The following NDFIP1 variants were observed in gnomAD, a reference collection of about 807,000 sequenced individuals.
NDFIP1 encodes Nedd4 family interacting protein 1.
In NDFIP1, 7 loss-of-function variants were observed where a neutral mutation model predicts 28.8. The observed-to-expected ratio is 0.24, with a 90% CI of 0.14 to 0.46. The LOEUF (loss-of-function observed/expected upper bound fraction) is 0.46. NDFIP1 is among the 20% of genes least tolerant of loss of function. The pLI, the probability that NDFIP1 is intolerant of heterozygous loss-of-function variation, is 0.99. For synonymous variants in NDFIP1, 92 were observed against 101.0 expected, an observed-to-expected ratio of 0.91 and a Z score of 0.53; for missense variants, 194 against 269.1, an observed-to-expected ratio of 0.72 and a Z score of 1.95.
intron 1 of NDFIP1, among the ~76,000 whole-genome samples, chr5:142,127,706 A>G (rs1757184663): frequency 6.6e-6 from 1 of 152,242 alleles, no homozygotes; most frequent in African/African-American, 2.4e-5. Flanking sequence ...CTATAATCCC[A>G]GCGCTTTGGG....
chr5:142,135,251 T>A (rs1457504406), intron 3 of NDFIP1, among the ~76,000 whole-genome samples: 3 of 152,234 alleles, frequency 2.0e-5, no homozygotes, highest in Non-Finnish European at 2.9e-5. Context: ...GTGCTGGGAT[T>A]ACAGGCATGA....
At chr5:142,112,406 G>A (rs1247086939) in intron 1 of NDFIP1, among the ~76,000 whole-genome samples, 1 of 151,576 alleles carries the variant, frequency 6.6e-6, no homozygotes, top group East Asian at 1.9e-4. Flanking sequence ...CGGTGTGGTG[G>A]TGCACATCTG....
chr5:142,132,286 T>G lies in NDFIP1; in HGVS notation c.226T>G (p.Tyr76Asp), dbSNP rs1757235663. The change falls in exon 3 of 8, where the codon TAT (tyrosine) becomes GAT (aspartate). Residue 76 changes from tyrosine to aspartate, a missense_variant. Tyr to Asp is a radical substitution (Grantham distance 160, BLOSUM62 -3). Coordinates refer to ENST00000253814, the MANE Select transcript of NDFIP1 (RefSeq NM_030571.4). ...CAATGTAGCTACAACACTGCCCAGT[T>G]ATGATGAAGCGGAGAGGACCAAGGC... Reference protein sequence around the residue: ...SYNVATTLPSYDEAERTKAEA... With the variant: ...SYNVATTLPSDDEAERTKAEA... The G allele has an allele frequency of 6.2e-7, 1 of 1,614,092 alleles. No homozygotes were observed. The highest frequency in any genetic ancestry group is 1.3e-5 in the African/African-American group (1 of 74,948).
intron 1 of NDFIP1, among the ~76,000 whole-genome samples, chr5:142,124,414 G>C (rs763851686): frequency 1.3e-5 from 2 of 152,120 alleles, no homozygotes; most frequent in Non-Finnish European, 2.9e-5. Context: ...CCATAAAATT[G>C]ATGATCATAG....
intron 1 of NDFIP1, among the ~76,000 whole-genome samples, chr5:142,129,927 A>AG (rs1554091415): frequency 1.4e-5 from 2 of 138,398 alleles, no homozygotes; most frequent in Admixed American, 7.5e-5. Flanking sequence ...AAAAAAAAAA[A>AG]AAAGAAAGAA....
At chr5:142,132,602 G>A (rs1382740429) in intron 3 of NDFIP1, among the ~76,000 whole-genome samples, 1 of 152,168 alleles carries the variant, frequency 6.6e-6, no homozygotes, top group Non-Finnish European at 1.5e-5. Flanking sequence ...GATGGCTGAA[G>A]TATCTTGAAG....
At position 142,152,018 on chromosome 5, in the gene NDFIP1, A is replaced by G. The variant is rs564769204; in HGVS notation, c.*290A>G. 2 of 152,788 alleles carry G rather than the reference A, an allele frequency of 1.3e-5. No individual in the cohort carries two copies. The highest frequency in any genetic ancestry group is 1.5e-5 in the Non-Finnish European group (1 of 68,040). The allele number at this position is 152,788 out of a possible 1,614,324, so 9.5% of individuals were successfully genotyped here. On this transcript the variant is annotated 3_prime_UTR_variant, in exon 8 of 8. Transcript: ENST00000253814. ...AATGCCTTATATATTGTTTGTAGTC[A>G]TTTTAAGTAGCATGAGCCATGTCCC...
At chr5:142,114,715 A>G (rs1053076322) in intron 1 of NDFIP1, among the ~76,000 whole-genome samples, 1 of 152,224 alleles carries the variant, frequency 6.6e-6, no homozygotes, top group Non-Finnish European at 1.5e-5. Flanking sequence ...GCTCTCTTGT[A>G]ATCTGTGAGG....
At chr5:142,131,980 A>C (rs1757232724) in intron 2 of NDFIP1, 85 bp downstream of exon 2, 1 of 1,310,936 alleles carries the variant, frequency 7.6e-7, no homozygotes, top group Non-Finnish European at 1.0e-6. Context: ...AAAGCTTCAG[A>C]AGCAGTTGGA....
At chr5:142,131,641 A>T (rs921123006) in intron 1 of NDFIP1, among the ~76,000 whole-genome samples, 167 bp from the exon 2 acceptor site, 1 of 152,206 alleles carries the variant, frequency 6.6e-6, no homozygotes, top group African/African-American at 2.4e-5. Context: ...ATTTCCATAG[A>T]ATAACTTCCT....
chr5:142,122,994 G>T (rs138776793), intron 1 of NDFIP1, among the ~76,000 whole-genome samples: 26 of 152,066 alleles, frequency 1.7e-4, no homozygotes, highest in Non-Finnish European at 3.8e-4. Context: ...GCAGAGTCTC[G>T]CTCTGTTGCC....
intron 4 of NDFIP1, 36 bp from the exon 5 acceptor site, chr5:142,137,698 C>A: frequency 6.2e-7 from 1 of 1,610,430 alleles, no homozygotes; most frequent in South Asian, 1.1e-5. Flanking sequence ...GGTAACAGGA[C>A]ATGTCTAACA....
At chr5:142,115,721 T>C (rs1596781428) in intron 1 of NDFIP1, among the ~76,000 whole-genome samples, 3 of 152,342 alleles carry the variant, frequency 2.0e-5, no homozygotes, top group African/African-American at 2.4e-5. Flanking sequence ...GCAAACATCA[T>C]GTATGAAATT....
At chr5:142,131,997 G>T in intron 2 of NDFIP1, 102 bp downstream of exon 2, 4 of 1,219,686 alleles carry the variant, frequency 3.3e-6, no homozygotes, top group South Asian at 3.2e-5. Flanking sequence ...TGGAAGAAAG[G>T]TTACAAAGCA....
At chr5:142,109,186 G>A (rs947069751) in intron 1 of NDFIP1, 149 bp downstream of exon 1, 1 of 686,442 alleles carries the variant, frequency 1.5e-6, no homozygotes, top group African/African-American at 1.9e-5. Context: ...GTCGGGCCCC[G>A]GGCTCGGATT....
chr5:142,146,341 C>T (rs557722886), intron 7 of NDFIP1, among the ~76,000 whole-genome samples: 1 of 152,308 alleles, frequency 6.6e-6, no homozygotes, highest in East Asian at 1.9e-4. Flanking sequence ...GGCCTTAATG[C>T]CTACAATGTG....
intron 1 of NDFIP1, among the ~76,000 whole-genome samples, chr5:142,113,162 G>T (rs903229230): frequency 6.6e-6 from 1 of 152,206 alleles, no homozygotes; most frequent in Non-Finnish European, 1.5e-5. Context: ...TGCTAAAGAA[G>T]TTGCCCACTT....
At position 142,144,689 on chromosome 5, in the gene NDFIP1, A is replaced by C. The variant is rs10044488; in HGVS notation, c.*2+13A>C. ...TTATTTATTAAAGGTATTAAAGAAA[A>C]AATTTATTCTAGTCCCAGTGTAACC... On this transcript the variant is annotated intron_variant, in intron 7 of 7. Transcript: ENST00000253814. 2.0e-3 allele frequency: 3,067 copies of C among 1,508,296 alleles called. 46 individuals are homozygous for C. In the African/African-American group the frequency reaches 0.037, roughly 18 times the overall value. 93.4% of individuals were successfully genotyped at this position (1,508,296 alleles called of 1,614,324 possible). A position where few individuals can be genotyped will look rare whatever the true frequency, so the allele number is the denominator to read the frequency against.
In NDFIP1 at chr5:142,120,975, C is replaced by G. The variant is rs1293837885; in HGVS notation, c.64-10833C>G. ...CTACCTGAGTATGCTCTACTCCAGGCTAATGAGCAAGCATAGCTTTTGGAA... is the reference window on the plus strand; with the variant it reads ...CTACCTGAGTATGCTCTACTCCAGGGTAATGAGCAAGCATAGCTTTTGGAA... On this transcript the variant is annotated intron_variant, in intron 1 of 7. Transcript: ENST00000253814. Among the ~76,000 whole-genome samples the G allele has an allele frequency of 1.3e-5, 2 of 152,312 alleles. 1 individual carries two copies. The highest frequency in any genetic ancestry group is 4.1e-4 in the South Asian group (2 of 4,828).
Sources: allele counts gnomAD v4.1 joint callset (sites outside exome capture counted in the v4.1 genomes callset), GRCh38; gene constraint gnomAD v4.1.1; transcripts MANE v1.5; gene names NCBI Gene and HGNC (gene_info 2026-07-23, HGNC 2026-07-21).